Variants in PTPRO observed in about 807,000 individuals in gnomAD.
The protein encoded by PTPRO is receptor-type tyrosine-protein phosphatase O.
In PTPRO, 62 loss-of-function variants were observed where a neutral mutation model predicts 145.2. The observed-to-expected ratio is 0.43, with a 90% CI of 0.35 to 0.53. The LOEUF (loss-of-function observed/expected upper bound fraction) is 0.53. Among genes scored for constraint, PTPRO ranks in the 20% least tolerant of loss-of-function variants. The probability of loss-of-function intolerance (pLI) is 0.01; values close to 1 mark genes in which losing one functional copy is unlikely to be tolerated. For missense variants in PTPRO, 1,345 were observed against 1,482.7 expected, an observed-to-expected ratio of 0.91 and a Z score of 1.53; for synonymous variants, 565 against 514.7, an observed-to-expected ratio of 1.10 and a Z score of -1.32.
chr12:15,506,362 A>G (rs1942321265), intron 6 of PTPRO, among the ~76,000 whole-genome samples: 1 of 152,228 alleles, frequency 6.6e-6, no homozygotes, highest in Admixed American at 6.5e-5. Context: ...TACTAGCTCT[A>G]TGACTTCAGG....
At chr12:15,595,121 A>G (rs1944633292) in intron 26 of PTPRO, 64 bp downstream of exon 26, 9 of 1,078,328 alleles carry the variant, frequency 8.3e-6, no homozygotes, top group Admixed American at 3.6e-5. Context: ...GATGTGATGG[A>G]TGGGACAAAA....
chr12:15,474,034 C>T (rs1044659251), intron 1 of PTPRO, among the ~76,000 whole-genome samples: 4 of 152,156 alleles, frequency 2.6e-5, no homozygotes, highest in Non-Finnish European at 5.9e-5. Flanking sequence ...CTTCTGATCT[C>T]AAGGCTATTG....
chr12:15,507,248 A>C (rs1591663477), intron 6 of PTPRO, among the ~76,000 whole-genome samples: 1 of 151,904 alleles, frequency 6.6e-6, no homozygotes, highest in South Asian at 2.1e-4. Context: ...TCTTCTCTCT[A>C]CTAAAAGTAC....
chr12:15,451,373 A>T (rs906125078), intron 1 of PTPRO, among the ~76,000 whole-genome samples: 1 of 152,134 alleles, frequency 6.6e-6, no homozygotes, highest in Non-Finnish European at 1.5e-5. Flanking sequence ...AAGAAATGAG[A>T]TAGACAGCAG....
intron 7 of PTPRO, among the ~76,000 whole-genome samples, 167 bp from the exon 8 acceptor site, chr12:15,515,331 T>G (rs1467782557): frequency 6.6e-6 from 1 of 152,162 alleles, no homozygotes. Flanking sequence ...AATGTTCACA[T>G]AAACTATAAA....
chr12:15,492,618 T>C (rs914621514), intron 2 of PTPRO, among the ~76,000 whole-genome samples: 1 of 152,060 alleles, frequency 6.6e-6, no homozygotes, highest in Non-Finnish European at 1.5e-5. Flanking sequence ...AATGAAAACA[T>C]AATTATTTAA....
chr12:15,428,808 C>T lies in PTPRO; in HGVS notation c.76-55166C>T, dbSNP rs1360010488. Among the ~76,000 whole-genome samples the T allele has an allele frequency of 5.3e-5, 8 of 152,048 alleles. No homozygotes were observed. The East Asian group carries it at 1.5e-3, about 29-fold the overall frequency. ...AGGAATTCCATGTTCAGGGTCATCC[C>T]GTGGTCTAAGACAAATGCTGGAATT... On this transcript the variant is annotated intron_variant, in intron 1 of 26. Transcript: ENST00000281171.
chr12:15,449,617 G>C (rs908613782), intron 1 of PTPRO, among the ~76,000 whole-genome samples: 1 of 152,188 alleles, frequency 6.6e-6, no homozygotes, highest in Non-Finnish European at 1.5e-5. Context: ...AATATGGAAA[G>C]TGATGGATAT....
chr12:15,505,179 C>T (rs181661394), intron 6 of PTPRO, among the ~76,000 whole-genome samples: 6 of 152,320 alleles, frequency 3.9e-5, no homozygotes, highest in Middle Eastern at 3.4e-3. Context: ...ACAGCCTCCA[C>T]GAAAACTCCA....
chr12:15,429,710 C>A lies in PTPRO; in HGVS notation c.76-54264C>A, dbSNP rs369273962. On this transcript the variant is annotated intron_variant, in intron 1 of 26. Transcript: ENST00000281171. ...TCATTAAAGGGTTAGAGGCAGAGAGCAACATGACCTGTTTTATACATTGAA... is the reference window on the plus strand; with the variant it reads ...TCATTAAAGGGTTAGAGGCAGAGAGAAACATGACCTGTTTTATACATTGAA... Among the ~76,000 whole-genome samples, 3 of 152,110 alleles carry A rather than the reference C, an allele frequency of 2.0e-5. No individual in the cohort carries two copies. The East Asian group carries it at 5.8e-4, about 29-fold the overall frequency.
At chr12:15,560,078 T>C in intron 16 of PTPRO, 115 bp from the exon 17 acceptor site, 1 of 776,396 alleles carries the variant, frequency 1.3e-6, no homozygotes, top group Non-Finnish European at 2.3e-6. Context: ...GTAATTAAGG[T>C]GCTTGTCATA....
intron 12 of PTPRO, among the ~76,000 whole-genome samples, chr12:15,540,871 A>G (rs560775127): frequency 1.3e-5 from 2 of 152,338 alleles, no homozygotes; most frequent in African/African-American, 4.8e-5. Context: ...TATGCATTGT[A>G]CTTGATTTTC....
At chr12:15,498,920 T>A (rs1942162502) in intron 3 of PTPRO, among the ~76,000 whole-genome samples, 1 of 152,234 alleles carries the variant, frequency 6.6e-6, no homozygotes, top group African/African-American at 2.4e-5. Context: ...TTTTAGTTTA[T>A]TGTTATTCTC....
chr12:15,384,118 T>C (rs58760225), intron 1 of PTPRO, among the ~76,000 whole-genome samples: 22,468 of 152,102 alleles, frequency 0.15, 3,750 homozygotes, highest in African/African-American at 0.41. Context: ...CATGTAAGAC[T>C]TCCCTTCCAG....
Position 15,501,687 on chromosome 12 carries a change from G to A in PTPRO, c.729G>A (p.Gln243=). The A allele has an allele frequency of 6.2e-7, 1 of 1,613,936 alleles. No individual in the cohort carries two copies. Reference sequence around the variant, plus strand: ...TGAACAAAAACAACTGGGAAGAACAGAGTGGCAATTTCCCAGAAGAATCCT... The same window carrying A: ...TGAACAAAAACAACTGGGAAGAACAAAGTGGCAATTTCCCAGAAGAATCCT... ...VNLNKNNWEE[Q]SGNFPEESFM... Residue 243 remains glutamine, a synonymous_variant, in exon 5 of 27, where the codon CAG becomes CAA. Transcript: ENST00000281171.
At chr12:15,497,094 A>T in intron 2 of PTPRO, 151 bp from the exon 3 acceptor site, 1 of 701,504 alleles carries the variant, frequency 1.4e-6, no homozygotes, top group East Asian at 2.5e-5. Flanking sequence ...AGAACATTCA[A>T]TTCATGGTTA....
At chr12:15,354,494 A>G (rs769789018) in intron 1 of PTPRO, among the ~76,000 whole-genome samples, 39 of 152,194 alleles carry the variant, frequency 2.6e-4, no homozygotes, top group Non-Finnish European at 5.0e-4. Context: ...TTTGAAATCC[A>G]TCTATAGTTT....
At chr12:15,594,514 C>A (rs544843096) in intron 25 of PTPRO, among the ~76,000 whole-genome samples, 16 of 151,548 alleles carry the variant, frequency 1.1e-4, no homozygotes, top group African/African-American at 3.6e-4. Flanking sequence ...CACACACACA[C>A]AAATATATAT....
intron 1 of PTPRO, among the ~76,000 whole-genome samples, chr12:15,450,839 C>T (rs1462736641): frequency 6.6e-6 from 1 of 151,976 alleles, no homozygotes; most frequent in South Asian, 2.1e-4. Flanking sequence ...AAAAGGAGCT[C>T]TAAATCTTGA....
Sources: gnomAD v4.1 joint callset for allele counts (sites outside exome capture counted in the v4.1 genomes callset) on GRCh38, gnomAD v4.1.1 for gene constraint, MANE v1.5 for transcripts, NCBI Gene and HGNC (gene_info 2026-07-23, HGNC 2026-07-21) for gene names.